Variants in RYR2 observed in about 807,000 individuals in gnomAD.
RYR2 encodes ryanodine receptor 2.
Under a neutral mutation model 601.1 loss-of-function variants are expected in RYR2, and 227 were observed. The ratio of observed to expected loss-of-function variants is 0.38; its 90% CI spans 0.34 to 0.42. RYR2 has a LOEUF of 0.42. Among genes scored for constraint, RYR2 ranks in the 10% least tolerant of loss-of-function variants. The pLI is 1.00. For missense variants in RYR2, 4,646 were observed against 6,156.5 expected, an observed-to-expected ratio of 0.75 and a Z score of 8.21; for synonymous variants, 2,223 against 2,175.1, an observed-to-expected ratio of 1.02 and a Z score of -0.61.
chr1:237,764,552 G>A (rs983583876), intron 84 of RYR2, among the ~76,000 whole-genome samples: 12 of 151,762 alleles, frequency 7.9e-5, no homozygotes, highest in African/African-American at 2.7e-4. Flanking sequence ...GGGTTCAAGC[G>A]ATTCTCCTGC....
chr1:237,422,862 A>C (rs1450925858), intron 11 of RYR2, among the ~76,000 whole-genome samples: 2 of 152,176 alleles, frequency 1.3e-5, no homozygotes, highest in Non-Finnish European at 2.9e-5. Flanking sequence ...GAACACCTTG[A>C]GTTACATTTA....
chr1:237,453,783 T>G (rs961805888), intron 14 of RYR2, among the ~76,000 whole-genome samples: 9 of 152,220 alleles, frequency 5.9e-5, no homozygotes, highest in African/African-American at 2.2e-4. Context: ...CACATTTACA[T>G]GCCAGTAATA....
At chr1:237,074,711 C>T (rs1664789089) in intron 1 of RYR2, among the ~76,000 whole-genome samples, 1 of 152,202 alleles carries the variant, frequency 6.6e-6, no homozygotes, top group Admixed American at 6.5e-5. Flanking sequence ...CTTAGTCCTT[C>T]TTCGCCCAGT....
intron 1 of RYR2, among the ~76,000 whole-genome samples, chr1:237,188,089 A>C (rs1679565376): frequency 6.6e-6 from 1 of 152,150 alleles, no homozygotes; most frequent in Non-Finnish European, 1.5e-5. Context: ...AGTTTGAAAA[A>C]CTGAAATAGA....
intron 79 of RYR2, among the ~76,000 whole-genome samples, chr1:237,735,122 G>C (rs959113533): frequency 6.6e-6 from 1 of 152,182 alleles, no homozygotes; most frequent in African/African-American, 2.4e-5. Context: ...TCTGCTGTGA[G>C]ATTGAGCAAG....
intron 1 of RYR2, among the ~76,000 whole-genome samples, chr1:237,069,563 A>T (rs1041270482): frequency 9.2e-5 from 14 of 152,110 alleles, no homozygotes; most frequent in Non-Finnish European, 1.9e-4. Context: ...TAAGAGAGAA[A>T]TATTTCCCAA....
chr1:237,259,256 C>T (rs1311779802), intron 1 of RYR2, among the ~76,000 whole-genome samples: 1 of 151,932 alleles, frequency 6.6e-6, no homozygotes, highest in Non-Finnish European at 1.5e-5. Context: ...ACCTGTAATC[C>T]CAGCACTTTG....
intron 2 of RYR2, among the ~76,000 whole-genome samples, chr1:237,322,722 T>G (rs762961924): frequency 2.0e-5 from 3 of 152,132 alleles, no homozygotes; most frequent in Non-Finnish European, 4.4e-5. Flanking sequence ...AACAAATACT[T>G]AGCTCATACA....
intron 21 of RYR2, among the ~76,000 whole-genome samples, chr1:237,501,375 C>T (rs1664621617): frequency 6.6e-6 from 1 of 152,082 alleles, no homozygotes; most frequent in Non-Finnish European, 1.5e-5. Context: ...GTGTTCCTCT[C>T]CACCTTTATT....
At chr1:237,232,058 A>T (rs1302062135) in intron 1 of RYR2, among the ~76,000 whole-genome samples, 1 of 152,224 alleles carries the variant, frequency 6.6e-6, no homozygotes, top group African/African-American at 2.4e-5. Context: ...AAATGTGAAC[A>T]GAGGAGTGAT....
At chr1:237,103,639 G>T (rs1668361434) in intron 1 of RYR2, among the ~76,000 whole-genome samples, 1 of 152,196 alleles carries the variant, frequency 6.6e-6, no homozygotes, top group Admixed American at 6.5e-5. Flanking sequence ...CATGATCTCG[G>T]CTCACTGCAA....
At chr1:237,718,378 A>C (rs1187052351) in intron 72 of RYR2, 84 bp from the exon 73 acceptor site, 16 of 690,992 alleles carry the variant, frequency 2.3e-5, no homozygotes, top group Non-Finnish European at 3.8e-5. Context: ...ATACTATTTC[A>C]AAAAAGGTTT....
chr1:237,083,480 A>G (rs1331820726), intron 1 of RYR2, among the ~76,000 whole-genome samples: 1 of 152,170 alleles, frequency 6.6e-6, no homozygotes, highest in South Asian at 2.1e-4. Flanking sequence ...GATAAATTGC[A>G]GAATGCCTCT....
chr1:237,186,996 C>G (rs954857947), intron 1 of RYR2, among the ~76,000 whole-genome samples: 1 of 152,112 alleles, frequency 6.6e-6, no homozygotes, highest in African/African-American at 2.4e-5. Context: ...GGGACTTGCC[C>G]TGACAAGTGA....
At chr1:237,724,803 C>T (rs1690064603) in intron 74 of RYR2, among the ~76,000 whole-genome samples, 1 of 151,784 alleles carries the variant, frequency 6.6e-6, no homozygotes, top group Non-Finnish European at 1.5e-5. Context: ...TTTAATTCTT[C>T]CTAGTGTTTA....
At chr1:237,465,387 T>G (rs1659958734) in intron 16 of RYR2, among the ~76,000 whole-genome samples, 1 of 152,168 alleles carries the variant, frequency 6.6e-6, no homozygotes, top group African/African-American at 2.4e-5. Flanking sequence ...TATTTTTGGA[T>G]TTATAAGAGT....
At chr1:237,444,352 G>A (rs535489798) in intron 13 of RYR2, among the ~76,000 whole-genome samples, 1 of 151,874 alleles carries the variant, frequency 6.6e-6, no homozygotes, top group Non-Finnish European at 1.5e-5. Flanking sequence ...TATTAATCAG[G>A]GCACTTAAGG....
At chr1:237,429,917 A>C (rs944725230) in intron 12 of RYR2, among the ~76,000 whole-genome samples, 4 of 152,006 alleles carry the variant, frequency 2.6e-5, no homozygotes, top group Non-Finnish European at 5.9e-5. Flanking sequence ...TGCAATAAAG[A>C]TTATTCTATA....
intron 25 of RYR2, among the ~76,000 whole-genome samples, chr1:237,537,249 T>C (rs1364679372): frequency 2.6e-5 from 4 of 152,338 alleles, no homozygotes; most frequent in African/African-American, 9.6e-5. Context: ...GCAGCATAGA[T>C]TGCAATAGCA....
Sources: gnomAD v4.1 joint callset for allele counts (sites outside exome capture counted in the v4.1 genomes callset) on GRCh38, gnomAD v4.1.1 for gene constraint, MANE v1.5 for transcripts, NCBI Gene and HGNC (gene_info 2026-07-23, HGNC 2026-07-21) for gene names.